The following IGF1R variants were observed in gnomAD, a reference collection of about 807,000 sequenced individuals.
IGF1R encodes the protein insulin-like growth factor 1 receptor.
In IGF1R, 44 loss-of-function variants were observed where a neutral mutation model predicts 144.6. That is an observed-to-expected ratio of 0.30 (90% CI 0.24 to 0.39). The LOEUF (loss-of-function observed/expected upper bound fraction) is 0.39, where lower values mean the gene tolerates loss of function less well. Among genes scored for constraint, IGF1R ranks in the 10% least tolerant of loss-of-function variants. IGF1R has a pLI of 1.00. For synonymous variants in IGF1R, 795 were observed against 722.8 expected (o/e 1.10, Z -1.60); for missense variants, 1,355 against 1,833.7 (o/e 0.74, Z 4.77).
At chr15:98,661,326 T>G (rs2052593048) in intron 1 of IGF1R, among the ~76,000 whole-genome samples, 1 of 152,160 alleles carries the variant, frequency 6.6e-6, no homozygotes, top group Non-Finnish European at 1.5e-5. Flanking sequence ...TGAGGCCAGC[T>G]CCCGACCTCT....
chr15:98,864,625 A>G (rs980818424), intron 2 of IGF1R, among the ~76,000 whole-genome samples: 12 of 152,214 alleles, frequency 7.9e-5, no homozygotes, highest in South Asian at 2.1e-4. Flanking sequence ...GCCTCAAGCT[A>G]TCTTCTCCAG....
chr15:98,958,753 TGAAAACCTTCA>T lies in IGF1R; in HGVS notation c.*1313_*1323del, dbSNP rs1343422294. 4.3e-6 allele frequency: 1 copy of T among 232,646 alleles called. No individual in the cohort carries two copies. Among genetic ancestry groups the T allele is most frequent in the Non-Finnish European group, 8.5e-6 (1 of 117,490 alleles). 14.4% of individuals were successfully genotyped at this position (232,646 alleles called of 1,614,324 possible). On this transcript the variant is annotated 3_prime_UTR_variant, in exon 21 of 21. Transcript: ENST00000650285. ...TCTTGATCTTTGTGGATTTAATCTA[TGAAAACCTTCA>T]GGTCCACCCTCTCCCCTTTCTGCTC...
rs989705574 is a variant in IGF1R, at chr15:98,939,230, G to A, written c.3327G>A (p.Leu1109=). 11 of 1,614,054 alleles carry A rather than the reference G, an allele frequency of 6.8e-6. No homozygotes were observed. The highest frequency in any genetic ancestry group is 8.5e-6 in the Non-Finnish European group (10 of 1,179,938). Residue 1109 remains leucine (L), a synonymous_variant, in exon 18 of 21, where the codon CTG becomes CTA. Transcript: ENST00000650285. ...ATCCAGTCCTAGCACCTCCAAGCCTGAGCAAGATGATTCAGATGGCCGGAG... is the reference window on the plus strand; with the variant it reads ...ATCCAGTCCTAGCACCTCCAAGCCTAAGCAAGATGATTCAGATGGCCGGAG... ...ENNPVLAPPS[L]SKMIQMAGEI...
At chr15:98,740,654 A>T (rs558565907) in intron 2 of IGF1R, among the ~76,000 whole-genome samples, 1 of 152,354 alleles carries the variant, frequency 6.6e-6, no homozygotes, top group East Asian at 1.9e-4. Context: ...GGCTTACCAT[A>T]TCTGTAGGGC....
intron 2 of IGF1R, among the ~76,000 whole-genome samples, chr15:98,716,206 G>A (rs1054511207): frequency 3.3e-5 from 5 of 152,078 alleles, no homozygotes; most frequent in Admixed American, 6.5e-5. Flanking sequence ...TACCTGTGCC[G>A]TTTCCTCAAA....
chr15:98,899,357 G>T, intron 4 of IGF1R, 120 bp from the exon 5 acceptor site: 3 of 967,194 alleles, frequency 3.1e-6, no homozygotes, highest in Non-Finnish European at 4.9e-6. Flanking sequence ...CCAGTCCTGT[G>T]CTGGGAGCAT....
At chr15:98,698,038 CTT>C (rs57604161) in intron 1 of IGF1R, among the ~76,000 whole-genome samples, 105 of 133,378 alleles carry the variant, frequency 7.9e-4, no homozygotes, top group Non-Finnish European at 8.8e-4. Context: ...CCTGGCCTTC[CTT>C]TTTTTTTTTT....
chr15:98,960,643 A>G lies in IGF1R; in HGVS notation c.*3201A>G, dbSNP rs1047719231. 8.6e-6 allele frequency: 2 copies of G among 233,256 alleles called. No homozygotes were observed. Among genetic ancestry groups the G allele is most frequent in the Non-Finnish European group, 1.7e-5 (2 of 118,132 alleles). The allele number at this position is 233,256 out of a possible 1,614,324, so 14.4% of individuals were successfully genotyped here. On this transcript the variant is annotated 3_prime_UTR_variant, in exon 21 of 21. Transcript: ENST00000650285. ...CGCGCTGAGGCAGGACCGTGCGGCCATGGCTGCTGCATTCATTGAGCACAA... is the reference window on the plus strand; with the variant it reads ...CGCGCTGAGGCAGGACCGTGCGGCCGTGGCTGCTGCATTCATTGAGCACAA...
At chr15:98,949,379 C>CTTTTTT (rs5814914) in intron 20 of IGF1R, among the ~76,000 whole-genome samples, 1 of 135,336 alleles carries the variant, frequency 7.4e-6, no homozygotes, top group Non-Finnish European at 1.6e-5. Context: ...TCTCACTGCA[C>CTTTTTT]TTTTTTTTTT....
chr15:98,949,367 C>T (rs1229113429), intron 20 of IGF1R, among the ~76,000 whole-genome samples: 1 of 148,046 alleles, frequency 6.8e-6, no homozygotes, highest in Non-Finnish European at 1.5e-5. Context: ...GTGAATTTGT[C>T]TTCTCACTGC....
At chr15:98,940,734 T>A (rs1476980482) in intron 18 of IGF1R, among the ~76,000 whole-genome samples, 2 of 152,216 alleles carry the variant, frequency 1.3e-5, no homozygotes, top group African/African-American at 4.8e-5. Context: ...GGGGTGAGTG[T>A]CTTTCTTTTT....
chr15:98,734,303 T>A, intron 2 of IGF1R, among the ~76,000 whole-genome samples: 1 of 152,214 alleles, frequency 6.6e-6, no homozygotes, highest in Non-Finnish European at 1.5e-5. Flanking sequence ...CCGTGTTTTT[T>A]AAAAAAATTA....
At chr15:98,845,446 C>T (rs1038720523) in intron 2 of IGF1R, among the ~76,000 whole-genome samples, 8 of 107,174 alleles carry the variant, frequency 7.5e-5, no homozygotes, top group African/African-American at 1.1e-4. Context: ...CCTCCTCCTC[C>T]TCCCCTCCTT....
intron 2 of IGF1R, among the ~76,000 whole-genome samples, chr15:98,831,816 G>T (rs2057006498): frequency 6.6e-6 from 1 of 152,148 alleles, no homozygotes; most frequent in East Asian, 1.9e-4. Flanking sequence ...GGCAGAAATT[G>T]TCTTGTGAAA....
intron 2 of IGF1R, among the ~76,000 whole-genome samples, chr15:98,852,832 C>G (rs1203600771): frequency 6.6e-6 from 1 of 152,172 alleles, no homozygotes; most frequent in Non-Finnish European, 1.5e-5. Flanking sequence ...CCTTTGACAC[C>G]CCGTCCTCCC....
intron 2 of IGF1R, among the ~76,000 whole-genome samples, chr15:98,747,187 CGTT>C (rs915181938): frequency 1.4e-4 from 14 of 102,098 alleles, no homozygotes; most frequent in East Asian, 2.8e-4. Flanking sequence ...TTCAATTTGT[CGTT>C]GTTGTTGTTG....
intron 2 of IGF1R, among the ~76,000 whole-genome samples, chr15:98,785,523 T>C (rs1023768242): frequency 1.8e-4 from 28 of 152,184 alleles, no homozygotes; most frequent in Non-Finnish European, 2.9e-4. Context: ...TTAATACTTA[T>C]AGGAGGTGTG....
At chr15:98,690,441 T>TC (rs892827840) in intron 1 of IGF1R, among the ~76,000 whole-genome samples, 45 of 152,154 alleles carry the variant, frequency 3.0e-4, no homozygotes, top group Admixed American at 2.6e-3. Context: ...TCTTCCTTCT[T>TC]CCCCCCTGCT....
At chr15:98,804,553 CGGGGCTAT>C (rs980633466) in intron 2 of IGF1R, among the ~76,000 whole-genome samples, 9 of 152,014 alleles carry the variant, frequency 5.9e-5, no homozygotes, top group Non-Finnish European at 1.3e-4. Context: ...GAAAGTGAAA[CGGGGCTAT>C]GGGAGGAAGA....
Sources: gnomAD v4.1 joint callset for allele counts (sites outside exome capture counted in the v4.1 genomes callset) on GRCh38, gnomAD v4.1.1 for gene constraint, MANE v1.5 for transcripts, NCBI Gene and HGNC (gene_info 2026-07-23, HGNC 2026-07-21) for gene names.